The following MSX2 variants were observed in gnomAD, a reference collection of about 807,000 sequenced individuals.
MSX2 encodes the protein homeobox protein MSX-2.
MSX2 carries 10 observed loss-of-function variants against 18.4 expected under a neutral mutation model. That is an observed-to-expected ratio of 0.54 (90% CI 0.34 to 0.92). The LOEUF is 0.92. Ranked by LOEUF, MSX2 falls within the 40% of genes least tolerant of loss-of-function variation. MSX2 has a pLI of 0.02. For missense variants in MSX2, 339 were observed against 364.0 expected, an observed-to-expected ratio of 0.93 and a Z score of 0.56; for synonymous variants, 170 against 165.6, an observed-to-expected ratio of 1.03 and a Z score of -0.20.
chr5:174,729,460 C>G lies in MSX2; in HGVS notation c.681C>G (p.Ser227Arg). ...PSSFSLPFPISSPLQAASIYG... is the reference protein window; with the variant it reads ...PSSFSLPFPIRSPLQAASIYG... ...GCTTCAGTCTCCCTTTCCCCATCAG[C>G]TCGCCCCTGCAGGCAGCGTCCATAT... The change falls in exon 2 of 2, where the codon AGC becomes AGG. Residue 227 changes from serine to arginine, a missense_variant. Physicochemically the swap from Ser to Arg is moderately radical, Grantham distance 110. Transcript: ENST00000239243. The G allele has an allele frequency of 6.2e-7, 1 of 1,614,020 alleles. No homozygotes were observed. Among genetic ancestry groups the G allele is most frequent in the Non-Finnish European group, 8.5e-7 (1 of 1,179,886 alleles).
chr5:174,724,686 C>T lies in MSX2; in HGVS notation c.27C>T (p.Asp9=), dbSNP rs1413195221. 3.1e-6 allele frequency: 5 copies of T among 1,593,640 alleles called. No homozygotes were observed. The highest frequency in any genetic ancestry group is 1.1e-5 in the South Asian group (1 of 88,276). ...TGGCTTCTCCGTCCAAAGGCAATGA[C>T]TTGTTTTCGCCCGACGAGGAGGGCC... is the stretch of plus-strand genomic sequence containing the variant. MASPSKGN[D]LFSPDEEGPA... Residue 9 remains aspartate, a synonymous_variant, in exon 1 of 2, where the codon GAC becomes GAT. Transcript: ENST00000239243.
chr5:174,730,149 A>G lies in MSX2; in HGVS notation c.*566A>G, dbSNP rs1469383600. ...TTATTCAAAGTGAAGGGGACACATC[A>G]TATTTCTGCATTTTACTTGCATTAA... is the stretch of plus-strand genomic sequence containing the variant. On this transcript the variant is annotated 3_prime_UTR_variant, in exon 2 of 2. Coordinates refer to ENST00000239243, the MANE Select transcript of MSX2 (RefSeq NM_002449.5). The G allele has an allele frequency of 1.3e-5, 2 of 152,314 alleles. No individual in the cohort carries two copies. Among genetic ancestry groups the G allele is most frequent in the East Asian group, 3.9e-4 (2 of 5,194 alleles). 9.4% of individuals were successfully genotyped at this position (152,314 alleles called of 1,614,324 possible). A position where few individuals can be genotyped will look rare whatever the true frequency, so the allele number is the denominator to read the frequency against.
In MSX2 at chr5:174,730,205, C is replaced by G. The variant is rs1189599839; in HGVS notation, c.*622C>G. 2 of 152,002 alleles carry G rather than the reference C, an allele frequency of 1.3e-5. No individual in the cohort carries two copies. Among genetic ancestry groups the G allele is most frequent in the Non-Finnish European group, 2.9e-5 (2 of 68,026 alleles). 9.4% of individuals were successfully genotyped at this position (152,002 alleles called of 1,614,324 possible). On this transcript the variant is annotated 3_prime_UTR_variant, in exon 2 of 2. Transcript: ENST00000239243. ...ACCTCTTTATATACTACAGTTGTTC[C>G]TATCTCTCCCCCGCCCCCCACCGCC...
intron 1 of MSX2, among the ~76,000 whole-genome samples, chr5:174,725,462 G>C (rs1398349042): frequency 6.6e-6 from 1 of 152,188 alleles, no homozygotes; most frequent in Non-Finnish European, 1.5e-5. Context: ...GGATGTACCA[G>C]GAACGAGACA....
intron 1 of MSX2, 102 bp downstream of exon 1, chr5:174,725,140 G>A: frequency 6.7e-7 from 1 of 1,496,340 alleles, no homozygotes; most frequent in Non-Finnish European, 8.9e-7. Flanking sequence ...TTCTGCGTGC[G>A]CTACACTCCC....
rs766010243 is a variant in MSX2, at chr5:174,729,205, T to C, written c.426T>C (p.Asn142=). 9.9e-6 allele frequency: 16 copies of C among 1,614,038 alleles called. No homozygotes were observed. In the South Asian group the frequency reaches 1.8e-4, roughly 18 times the overall value. ...TTCTLRKHKT[N]RKPRTPFTTS... Reference sequence around the variant, plus strand: ...GCACCCTGAGGAAACACAAGACCAATCGGAAGCCGCGCACGCCCTTTACCA... The same window carrying C: ...GCACCCTGAGGAAACACAAGACCAACCGGAAGCCGCGCACGCCCTTTACCA... Residue 142 remains asparagine, a synonymous_variant, in exon 2 of 2, where the codon AAT becomes AAC. Coordinates refer to ENST00000239243, the MANE Select transcript of MSX2 (RefSeq NM_002449.5).
At chr5:174,728,781 G>A (rs1760856167) in intron 1 of MSX2, among the ~76,000 whole-genome samples, 1 of 151,810 alleles carries the variant, frequency 6.6e-6, no homozygotes, top group Non-Finnish European at 1.5e-5. Flanking sequence ...AATGCTGTTT[G>A]TTTTCCATAT....
intron 1 of MSX2, among the ~76,000 whole-genome samples, chr5:174,728,315 G>A (rs761035240): frequency 7.2e-5 from 11 of 152,096 alleles, no homozygotes; most frequent in Non-Finnish European, 1.0e-4. Flanking sequence ...TTTTCCCTTC[G>A]TCTTAGTAAA....
chr5:174,724,604 C>A lies in MSX2; in HGVS notation c.-56C>A, dbSNP rs113874536. On this transcript the variant is annotated 5_prime_UTR_variant, in exon 1 of 2. Coordinates refer to ENST00000239243, the MANE Select transcript of MSX2 (RefSeq NM_002449.5). ...TCCGCAGCAAAAAAGTTTGAGTCGC[C>A]GCTGCCGGGTTGCCAGCGGAGTCGC... 3.0e-4 allele frequency: 459 copies of A among 1,549,366 alleles called. No homozygotes were observed. The African/African-American group carries it at 5.3e-3, about 18-fold the overall frequency.
chr5:174,728,950 T>C (rs1760860703), intron 1 of MSX2, among the ~76,000 whole-genome samples: 1 of 145,168 alleles, frequency 6.9e-6, no homozygotes, highest in Admixed American at 7.2e-5. Context: ...ACAAAGTATG[T>C]CTTTCCATAC....
intron 1 of MSX2, among the ~76,000 whole-genome samples, chr5:174,726,150 TCTTTTA>T (rs756360927): frequency 1.3e-5 from 2 of 152,180 alleles, no homozygotes; most frequent in Non-Finnish European, 2.9e-5. Context: ...CTTTACAGCC[TCTTTTA>T]CTTTTATCTC....
Position 174,729,299 on chromosome 5 carries a change from G to T in MSX2, c.520G>T (p.Glu174Ter), listed in dbSNP as rs757042034. 1 of 1,614,182 alleles carries T rather than the reference G, an allele frequency of 6.2e-7. No individual in the cohort carries two copies. Among genetic ancestry groups the T allele is most frequent in the Non-Finnish European group, 8.5e-7 (1 of 1,180,050 alleles). Reference sequence around the variant, plus strand: ...GTACCTCTCCATTGCAGAGCGTGCAGAGTTCTCCAGCTCTCTGAACCTCAC... The same window carrying T: ...GTACCTCTCCATTGCAGAGCGTGCATAGTTCTCCAGCTCTCTGAACCTCAC... ...KQYLSIAERA[E>*]FSSSLNLTET... The change falls in exon 2 of 2, where the codon GAG becomes TAG. Residue 174 changes from glutamate (E) to a stop codon, truncating the protein, a stop_gained. Coordinates refer to ENST00000239243, the MANE Select transcript of MSX2 (RefSeq NM_002449.5). LOFTEE classifies it high-confidence loss of function.
chr5:174,725,839 C>T (rs1208616587), intron 1 of MSX2, among the ~76,000 whole-genome samples: 1 of 152,194 alleles, frequency 6.6e-6, no homozygotes, highest in Non-Finnish European at 1.5e-5. Flanking sequence ...CACTAGAACC[C>T]CCAAGTGTAG....
chr5:174,725,896 C>T (rs1760785591), intron 1 of MSX2, among the ~76,000 whole-genome samples: 1 of 152,164 alleles, frequency 6.6e-6, no homozygotes, highest in Non-Finnish European at 1.5e-5. Context: ...GACGCTGAGG[C>T]TTTTAAAGAA....
At chr5:174,725,329 C>T (rs985153527) in intron 1 of MSX2, among the ~76,000 whole-genome samples, 14 of 152,178 alleles carry the variant, frequency 9.2e-5, no homozygotes, top group African/African-American at 3.4e-4. Flanking sequence ...CGGGGTCGCT[C>T]GGTGGTCCGT....
Position 174,729,535 on chromosome 5 carries a change from G to A in MSX2, c.756G>A (p.Val252=), listed in dbSNP as rs542254664. 8.7e-5 allele frequency: 141 copies of A among 1,613,544 alleles called. No homozygotes were observed. In the South Asian group the frequency reaches 1.5e-3, roughly 17 times the overall value. Residue 252 remains valine (V), a synonymous_variant, in exon 2 of 2, where the codon GTG becomes GTA. Transcript: ENST00000239243. ...FHRPVLPIPP[V]GLYATPVGYG... is the part of the protein sequence containing the mutation. ...GACCTGTGCTTCCCATCCCGCCTGT[G>A]GGACTCTATGCCACGCCAGTGGGAT... is the stretch of plus-strand genomic sequence containing the variant.
At position 174,724,873 on chromosome 5, in the gene MSX2, G is replaced by A. The variant is rs1007791560; in HGVS notation, c.214G>A (p.Ala72Thr). ...ASPLPAESASAGATLRPLLLS... is the reference protein window; with the variant it reads ...ASPLPAESASTGATLRPLLLS... ...CCCGCTGCCGGCCGAAAGCGCCTCGGCCGGGGCCACCCTGCGGCCACTGCT... is the reference window on the plus strand; with the variant it reads ...CCCGCTGCCGGCCGAAAGCGCCTCGACCGGGGCCACCCTGCGGCCACTGCT... The change falls in exon 1 of 2, where the codon GCC becomes ACC. Residue 72 changes from alanine to threonine, a missense_variant. Transcript: ENST00000239243. The A allele has an allele frequency of 1.3e-6, 2 of 1,556,758 alleles. No homozygotes were observed. Among genetic ancestry groups the A allele is most frequent in the Admixed American group, 2.0e-5 (1 of 51,014 alleles).
Position 174,729,706 on chromosome 5 carries a change from G to T in MSX2, c.*123G>T, listed in dbSNP as rs1294153243. ...TAACCCTGCGTGCACCACCCTAAGC[G>T]GCTAGGCTGACAGGGCCACACGACA... On this transcript the variant is annotated 3_prime_UTR_variant, in exon 2 of 2. Transcript: ENST00000239243. 9.5e-6 allele frequency: 10 copies of T among 1,053,310 alleles called. No individual in the cohort carries two copies. In the East Asian group the frequency reaches 2.4e-4, roughly 25 times the overall value. 65.2% of individuals were successfully genotyped at this position (1,053,310 alleles called of 1,614,324 possible). A position where few individuals can be genotyped will look rare whatever the true frequency, so the allele number is the denominator to read the frequency against.
Position 174,729,162 on chromosome 5 carries a change from A to C in MSX2, c.383A>C (p.His128Pro), listed in dbSNP as rs1405669891. 1 of 1,613,860 alleles carries C rather than the reference A, an allele frequency of 6.2e-7. No homozygotes were observed. ...CGCTCCTCTCTCTGTTCTCTAGGAC[A>C]TATGAGCCCTACCACCTGCACCCTG... ...EPGRYSPPPR[H>P]MSPTTCTLRK... Residue 128 changes from histidine (H) to proline (P), a missense_variant, in exon 2 of 2, where the codon CAT becomes CCT. Transcript: ENST00000239243.
Sources: allele counts gnomAD v4.1 joint callset (sites outside exome capture counted in the v4.1 genomes callset), GRCh38; gene constraint gnomAD v4.1.1; transcripts MANE v1.5; gene names NCBI Gene and HGNC (gene_info 2026-07-23, HGNC 2026-07-21).